PIF1: variants seen among roughly 807,000 people sequenced by gnomAD.
PIF1 encodes the protein PIF1 5'-to-3' DNA helicase, also known as ATP-dependent DNA helicase PIF1.
In PIF1, 67 loss-of-function variants were observed where a neutral mutation model predicts 62.3. The observed-to-expected ratio is 1.08, with a 90% CI of 0.88 to 1.32. The LOEUF (loss-of-function observed/expected upper bound fraction) is 1.32. Among genes scored for constraint, PIF1 ranks in the 40% most tolerant of loss-of-function variants. The pLI is 0.00. For missense variants in PIF1, 886 were observed against 866.1 expected (o/e 1.02, Z -0.29); for synonymous variants, 364 against 379.5 (o/e 0.96, Z 0.47).
intron 4 of PIF1, chr15:64,821,801 G>A (rs2084294410): frequency 3.3e-5 from 12 of 365,910 alleles, no homozygotes; most frequent in Admixed American, 3.2e-4. Context: ...GTGCAGTGGC[G>A]TGATCTCGGC....
intron 12 of PIF1, 44 bp from the exon 13 acceptor site, chr15:64,816,401 C>G (rs1282693024): frequency 6.2e-7 from 1 of 1,612,166 alleles, no homozygotes; most frequent in Non-Finnish European, 8.5e-7. Context: ...TTGTGCTGTT[C>G]CCCAGGACCA....
chr15:64,818,757 C>T, intron 9 of PIF1: 1 of 301,380 alleles, frequency 3.3e-6, no homozygotes, highest in Non-Finnish European at 6.1e-6. Context: ...ATCTTCTGCC[C>T]ACCCCCAACA....
intron 2 of PIF1, 50 bp downstream of exon 2, chr15:64,823,728 A>C: frequency 8.0e-7 from 1 of 1,251,452 alleles, no homozygotes; most frequent in Non-Finnish European, 1.0e-6. Context: ...CTGCCATCTT[A>C]AAGAATGGCA....
chr15:64,816,726 C>G lies in PIF1; in HGVS notation c.1714G>C (p.Val572Leu). The G allele has an allele frequency of 6.2e-7, 1 of 1,609,854 alleles. No individual in the cohort carries two copies. Among genetic ancestry groups the G allele is most frequent in the Non-Finnish European group, 8.5e-7 (1 of 1,178,656 alleles). The change falls in exon 12 of 13, where the codon GTG (valine) becomes CTG (leucine). Residue 572 changes from valine (V) to leucine (L), a missense_variant. Physicochemically the swap from Val to Leu is conservative, Grantham distance 32. Coordinates refer to ENST00000559239, the MANE Select transcript of PIF1 (RefSeq NM_001286496.2). ...LDCVEISLGR[V>L]FASGQAYVAL... The stretch of plus-strand genomic sequence containing the variant: ...ACATAGGCCTGGCCACTGGCAAACA[C>G]ACGGCCCAGAGAAATCTCCACACAA...
intron 3 of PIF1, 39 bp downstream of exon 3, chr15:64,822,439 C>G: frequency 6.2e-7 from 1 of 1,614,124 alleles, no homozygotes; most frequent in Non-Finnish European, 8.5e-7. Flanking sequence ...TCTATCCCAC[C>G]CCACCACTGT....
At position 64,822,374 on chromosome 15, in the gene PIF1, G is replaced by A; in HGVS notation, c.709C>T (p.Leu237=). 6.2e-7 allele frequency: 1 copy of A among 1,614,140 alleles called. No homozygotes were observed. The highest frequency in any genetic ancestry group is 8.5e-7 in the Non-Finnish European group (1 of 1,180,002). The change falls in exon 4 of 13, where the codon CTG becomes TTG. Residue 237 remains leucine (L), a synonymous_variant. Transcript: ENST00000559239. ...TGSAGTGKSY[L]LKRILGSLPP... The stretch of plus-strand genomic sequence containing the variant: ...AGTGAGCCCAGGATTCGCTTTAGCA[G>A]ATATGACTTCCCTGTTCCTGGACAG...
chr15:64,817,707 C>A (rs1411454889), intron 11 of PIF1, among the ~76,000 whole-genome samples: 2 of 149,792 alleles, frequency 1.3e-5, no homozygotes, highest in Non-Finnish European at 3.0e-5. Context: ...ACTAAAAATA[C>A]AAAAATTAGC....
chr15:64,816,342 C>G lies in PIF1; in HGVS notation c.1882G>C (p.Asp628His). 1.2e-6 allele frequency: 2 copies of G among 1,614,086 alleles called. No individual in the cohort carries two copies. The highest frequency in any genetic ancestry group is 1.7e-6 in the Non-Finnish European group (2 of 1,180,008). ...TTCTCCTGGTCTGAGGCTGCCTCAT[C>G]ATCATCTGGGGACTCCTGGATCAGA... ...RSLSLESPDD[D>H]EAASDQENMD... The change falls in exon 13 of 13, where the codon GAT becomes CAT. Residue 628 changes from aspartate (D) to histidine (H), a missense_variant. Transcript: ENST00000559239.
At chr15:64,825,010 C>T (rs560584226) in intron 1 of PIF1, among the ~76,000 whole-genome samples, 69 of 151,610 alleles carry the variant, frequency 4.6e-4, no homozygotes, top group Non-Finnish European at 3.2e-4. Context: ...CACACACACA[C>T]ACACACACAT....
At chr15:64,824,816 T>TAA (rs35316285) in intron 1 of PIF1, among the ~76,000 whole-genome samples, 82,694 of 144,612 alleles carry the variant, frequency 0.57, 24,637 homozygotes, top group East Asian at 0.94. Flanking sequence ...ACCCTCTAAT[T>TAA]AAAAAAAAAA....
intron 7 of PIF1, among the ~76,000 whole-genome samples, chr15:64,820,476 A>T (rs1462795113): frequency 6.6e-6 from 1 of 152,340 alleles, no homozygotes; most frequent in South Asian, 2.1e-4. Flanking sequence ...GGCTCACTGC[A>T]ACCTCTGCCT....
At position 64,824,316 on chromosome 15, in the gene PIF1, G is replaced by T. The variant is rs771173647; in HGVS notation, c.20C>A (p.Ala7Glu). 2.4e-6 allele frequency: 3 copies of T among 1,255,720 alleles called. No homozygotes were observed. The highest frequency in any genetic ancestry group is 3.0e-6 in the Non-Finnish European group (3 of 998,914). 77.8% of individuals were successfully genotyped at this position (1,255,720 alleles called of 1,614,324 possible). A position where few individuals can be genotyped will look rare whatever the true frequency, so the allele number is the denominator to read the frequency against. Residue 7 changes from alanine to glutamate, a missense_variant, in exon 2 of 13, where the codon GCG (alanine) becomes GAG (glutamate). Transcript: ENST00000559239. MLSGIEAAAGEYEDSEL... is the reference protein window; with the variant it reads MLSGIEEAAGEYEDSEL... ...CGAGTCCTCATATTCCCCTGCCGCC[G>T]CCTCTATGCCCGAGAGCATCGTCAC...
chr15:64,821,994 C>A (rs902306486), intron 4 of PIF1: 4 of 423,914 alleles, frequency 9.4e-6, no homozygotes, highest in Non-Finnish European at 1.7e-5. Context: ...CCTGCCTCGG[C>A]CTCCCAAAGT....
chr15:64,823,574 C>T (rs1038031450), intron 2 of PIF1: 1 of 401,572 alleles, frequency 2.5e-6, no homozygotes, highest in African/African-American at 2.1e-5. Flanking sequence ...TAGCCAGGTC[C>T]CATTTCCTGT....
At chr15:64,824,491 G>T (rs139460011) in intron 1 of PIF1, 137 bp from the exon 2 acceptor site, 34 of 522,628 alleles carry the variant, frequency 6.5e-5, no homozygotes, top group African/African-American at 6.5e-4. Context: ...ACTGTCACTG[G>T]TAACACAAAG....
At position 64,816,270 on chromosome 15, in the gene PIF1, C is replaced by A; in HGVS notation, c.*28G>T. 1 of 1,613,554 alleles carries A rather than the reference C, an allele frequency of 6.2e-7. No individual in the cohort carries two copies. On this transcript the variant is annotated 3_prime_UTR_variant, in exon 13 of 13. Coordinates refer to ENST00000559239, the MANE Select transcript of PIF1 (RefSeq NM_001286496.2). ...AGGAGGACGGGGAGGCCACAGGCCA[C>A]CCTTTGTCTTCTCTTTGTGGGTGAG...
In PIF1 at chr15:64,821,447, C is replaced by G; in HGVS notation, c.891G>C (p.Trp297Cys). The G allele has an allele frequency of 6.2e-7, 1 of 1,614,156 alleles. No homozygotes were observed. The highest frequency in any genetic ancestry group is 8.5e-7 in the Non-Finnish European group (1 of 1,180,034). ...CAATGACCAACCGCTGGCAGTTCAG[C>G]CAGCCCTGCCGCACGCCTGGCCTTT... is the stretch of plus-strand genomic sequence containing the variant. ...LAQRPGVRQG[W>C]LNCQRLVIDE... The change falls in exon 5 of 13, where the codon TGG (tryptophan) becomes TGC (cysteine). Residue 297 changes from tryptophan (W) to cysteine (C), a missense_variant. Trp to Cys is a radical substitution (Grantham distance 215). Coordinates refer to ENST00000559239, the MANE Select transcript of PIF1 (RefSeq NM_001286496.2).
Position 64,819,908 on chromosome 15 carries a change from C to A in PIF1, c.1272G>T (p.Arg424Ser). ...CCACATCATCCTGGTGGGTGCAGAG[C>A]CTCGTGGCCACAATCCCATCTCGCC... ...KVGRDGIVAT[R>S]LCTHQDDVAL... The change falls in exon 8 of 13, where the codon AGG (arginine) becomes AGT (serine). Residue 424 changes from arginine (R) to serine (S), a missense_variant. Arg to Ser is a moderately radical substitution (Grantham distance 110). Transcript: ENST00000559239. 1 of 1,614,182 alleles carries A rather than the reference C, an allele frequency of 6.2e-7. No homozygotes were observed. Among genetic ancestry groups the A allele is most frequent in the Non-Finnish European group, 8.5e-7 (1 of 1,180,046 alleles).
intron 7 of PIF1, among the ~76,000 whole-genome samples, chr15:64,820,434 GT>G (rs1188264840): frequency 6.6e-6 from 1 of 152,212 alleles, no homozygotes. Flanking sequence ...GTCTCGCTCT[GT>G]CACCAGGCTG....
Sources: allele counts gnomAD v4.1 joint callset (sites outside exome capture counted in the v4.1 genomes callset), GRCh38; gene constraint gnomAD v4.1.1; transcripts MANE v1.5; gene names NCBI Gene and HGNC (gene_info 2026-07-23, HGNC 2026-07-21).